The following SPIRE1 variants were observed in gnomAD, a reference collection of about 807,000 sequenced individuals.
The protein encoded by SPIRE1 is protein spire homolog 1.
In SPIRE1, 40 loss-of-function variants were observed where a neutral mutation model predicts 94.1. The ratio of observed to expected loss-of-function variants is 0.43; its 90% CI spans 0.33 to 0.55. The LOEUF (loss-of-function observed/expected upper bound fraction) is 0.55, where lower values mean the gene tolerates loss of function less well. SPIRE1 is among the 20% of genes least tolerant of loss of function. SPIRE1 has a pLI of 0.06. For missense variants in SPIRE1, 838 were observed against 975.2 expected (o/e 0.86, Z 1.87); for synonymous variants, 376 against 371.7 (o/e 1.01, Z -0.13).
chr18:12,625,743 T>C (rs2037603651), intron 2 of SPIRE1, among the ~76,000 whole-genome samples: 1 of 152,152 alleles, frequency 6.6e-6, no homozygotes, highest in Non-Finnish European at 1.5e-5. Context: ...CCATTGTCAA[T>C]TAAAAGAGGC....
intron 2 of SPIRE1, among the ~76,000 whole-genome samples, chr18:12,564,080 G>A (rs1177698891): frequency 6.6e-6 from 1 of 152,142 alleles, no homozygotes; most frequent in Non-Finnish European, 1.5e-5. Context: ...GTTTTACAAT[G>A]TCAGGTTAGA....
intron 2 of SPIRE1, among the ~76,000 whole-genome samples, chr18:12,605,827 T>G (rs529348871): frequency 3.3e-5 from 5 of 151,548 alleles, no homozygotes; most frequent in African/African-American, 1.2e-4. Context: ...GTTTCCAGAT[T>G]CACTCAGATG....
rs2033300322 is a variant in SPIRE1, at chr18:12,493,094, C to T, written c.1167G>A (p.Glu389=). Residue 389 remains glutamate (E), a synonymous_variant, in exon 8 of 17, where the codon GAG becomes GAA. Transcript: ENST00000409402. Reference sequence around the variant, plus strand: ...CACCTAATCTGCTACGTCTAATCTCCTCTGGTGATACAGGCCGCAGCTTTC... The same window carrying T: ...CACCTAATCTGCTACGTCTAATCTCTTCTGGTGATACAGGCCGCAGCTTTC... The part of the protein sequence containing the change: ...AERKLRPVSP[E]EIRRSRLAMR... The T allele has an allele frequency of 1.2e-6, 2 of 1,613,300 alleles. No individual in the cohort carries two copies. Among genetic ancestry groups the T allele is most frequent in the Non-Finnish European group, 1.7e-6 (2 of 1,179,892 alleles).
chr18:12,645,478 A>G (rs35612342), intron 1 of SPIRE1, among the ~76,000 whole-genome samples: 11,175 of 152,164 alleles, frequency 0.073, 573 homozygotes, highest in Non-Finnish European at 0.11. Flanking sequence ...TCTCACCCAC[A>G]CATAAAAAGT....
chr18:12,640,154 G>C (rs2038047144), intron 1 of SPIRE1, among the ~76,000 whole-genome samples: 3 of 152,156 alleles, frequency 2.0e-5, no homozygotes, highest in African/African-American at 7.2e-5. Flanking sequence ...AGAAACCTCA[G>C]CATATGGCTG....
chr18:12,592,756 C>T (rs2036568923), intron 2 of SPIRE1, among the ~76,000 whole-genome samples: 1 of 152,238 alleles, frequency 6.6e-6, no homozygotes, highest in Non-Finnish European at 1.5e-5. Context: ...CCTTAGGTGA[C>T]TGTGACAACC....
intron 1 of SPIRE1, 66 bp downstream of exon 1, chr18:12,657,464 G>A: frequency 8.5e-7 from 1 of 1,173,206 alleles, no homozygotes; most frequent in Non-Finnish European, 1.1e-6. Context: ...CGGGGACGCT[G>A]AGGGTAAGGC....
At chr18:12,554,825 A>G (rs2035453612) in intron 2 of SPIRE1, among the ~76,000 whole-genome samples, 1 of 152,212 alleles carries the variant, frequency 6.6e-6, no homozygotes, top group African/African-American at 2.4e-5. Flanking sequence ...GAGCTGATAA[A>G]TTTCTCTGAA....
chr18:12,550,153 A>C (rs1019265388), intron 2 of SPIRE1, among the ~76,000 whole-genome samples: 3 of 151,578 alleles, frequency 2.0e-5, no homozygotes, highest in African/African-American at 4.9e-5. Flanking sequence ...GGTCAGCCCC[A>C]CTCTCCTAAC....
intron 4 of SPIRE1, among the ~76,000 whole-genome samples, chr18:12,518,253 G>A (rs527912325): frequency 1.3e-5 from 2 of 152,268 alleles, no homozygotes; most frequent in Non-Finnish European, 2.9e-5. Context: ...TCAGTGGTCT[G>A]CCCGTCTTGG....
intron 9 of SPIRE1, among the ~76,000 whole-genome samples, chr18:12,483,290 A>T (rs964090910): frequency 6.6e-6 from 1 of 151,938 alleles, no homozygotes; most frequent in Non-Finnish European, 1.5e-5. Flanking sequence ...GATCACTTAT[A>T]GTTTTCTGTT....
intron 6 of SPIRE1, among the ~76,000 whole-genome samples, chr18:12,505,900 A>T (rs2033816614): frequency 6.6e-6 from 1 of 152,328 alleles, no homozygotes; most frequent in South Asian, 2.1e-4. Flanking sequence ...AAAGCATTCT[A>T]TATTAACTCA....
intron 10 of SPIRE1, among the ~76,000 whole-genome samples, chr18:12,476,586 TATACACAC>T (rs2032605063): frequency 8.3e-6 from 1 of 119,766 alleles, no homozygotes; most frequent in Admixed American, 9.0e-5. Context: ...TATATATATA[TATACACAC>T]ACACACACAC....
intron 2 of SPIRE1, among the ~76,000 whole-genome samples, chr18:12,626,937 T>A (rs1332633748): frequency 9.8e-6 from 1 of 101,808 alleles, no homozygotes; most frequent in Non-Finnish European, 2.4e-5. Context: ...TTAAAAAGAT[T>A]GTTAACAGGT....
chr18:12,560,501 CAT>C (rs2035649785), intron 2 of SPIRE1, among the ~76,000 whole-genome samples: 1 of 152,186 alleles, frequency 6.6e-6, no homozygotes. Flanking sequence ...ACAAACTTCA[CAT>C]GTTCTTACTT....
chr18:12,533,438 T>C (rs1159194008), intron 4 of SPIRE1, among the ~76,000 whole-genome samples: 1 of 152,230 alleles, frequency 6.6e-6, no homozygotes, highest in East Asian at 1.9e-4. Flanking sequence ...AGATGAGTAA[T>C]GTGCTGACAT....
chr18:12,651,128 C>G (rs1053277188), intron 1 of SPIRE1, among the ~76,000 whole-genome samples: 7 of 152,238 alleles, frequency 4.6e-5, no homozygotes, highest in Middle Eastern at 3.4e-3. Flanking sequence ...AACTAGAACA[C>G]TACTTGTACA....
chr18:12,535,354 T>C (rs1330933179), intron 4 of SPIRE1, 122 bp downstream of exon 4: 23 of 1,028,932 alleles, frequency 2.2e-5, no homozygotes, highest in Non-Finnish European at 2.7e-5. Context: ...ATCTAAAGGA[T>C]AGTAATAAAT....
chr18:12,477,912 A>G (rs1798679103), intron 10 of SPIRE1, among the ~76,000 whole-genome samples: 1 of 151,982 alleles, frequency 6.6e-6, no homozygotes, highest in South Asian at 2.1e-4. Flanking sequence ...GGGGATGCAA[A>G]TTTTATTCTG....
Sources: allele counts gnomAD v4.1 joint callset (sites outside exome capture counted in the v4.1 genomes callset), GRCh38; gene constraint gnomAD v4.1.1; transcripts MANE v1.5; gene names NCBI Gene and HGNC (gene_info 2026-07-23, HGNC 2026-07-21).